Variants in HECTD4 observed in about 807,000 individuals in gnomAD.
HECTD4 encodes the protein HECT domain E3 ubiquitin protein ligase 4.
In HECTD4, 114 loss-of-function variants were observed where a neutral mutation model predicts 471.5. The ratio of observed to expected loss-of-function variants is 0.24; its 90% CI spans 0.21 to 0.28. The LOEUF is 0.28. Among genes scored for constraint, HECTD4 ranks in the 10% least tolerant of loss-of-function variants. The probability of loss-of-function intolerance (pLI) is 1.00; values close to 1 mark genes in which losing one functional copy is unlikely to be tolerated. For synonymous variants in HECTD4, 2,012 were observed against 2,256.0 expected (o/e 0.89, Z 3.07); for missense variants, 3,866 against 5,651.5 (o/e 0.68, Z 10.13).
At chr12:112,337,163 G>C (rs2035973521) in intron 1 of HECTD4, among the ~76,000 whole-genome samples, 1 of 152,144 alleles carries the variant, frequency 6.6e-6, no homozygotes, top group Non-Finnish European at 1.5e-5. Context: ...TTCCTCAGAA[G>C]TAAATATATT....
chr12:112,256,228 C>A, intron 21 of HECTD4, 92 bp downstream of exon 21: 3 of 954,758 alleles, frequency 3.1e-6, no homozygotes, highest in Non-Finnish European at 3.0e-6. Context: ...AGAAATCAGT[C>A]AAGAATGGTG....
intron 7 of HECTD4, among the ~76,000 whole-genome samples, chr12:112,286,595 G>A (rs1239594778): frequency 1.3e-5 from 2 of 152,124 alleles, no homozygotes; most frequent in Non-Finnish European, 2.9e-5. Context: ...GGGAGACTGA[G>A]GCGGGAGGAT....
chr12:112,253,672 G>A (rs1391785340), intron 22 of HECTD4, among the ~76,000 whole-genome samples: 1 of 152,220 alleles, frequency 6.6e-6, no homozygotes, highest in African/African-American at 2.4e-5. Flanking sequence ...AAATTCATCT[G>A]AACACATTAA....
At chr12:112,169,375 GGC>G in intron 70 of HECTD4, 126 bp downstream of exon 70, 1 of 1,091,516 alleles carries the variant, frequency 9.2e-7, no homozygotes, top group Non-Finnish European at 1.3e-6. Flanking sequence ...GTGCAGACCT[GGC>G]TTCTGCAGCA....
chr12:112,340,802 GATTCT>G (rs1447880184), intron 1 of HECTD4, among the ~76,000 whole-genome samples: 2 of 152,112 alleles, frequency 1.3e-5, no homozygotes, highest in East Asian at 3.8e-4. Flanking sequence ...GCATAGGAAC[GATTCT>G]ATTCATGTGC....
intron 1 of HECTD4, among the ~76,000 whole-genome samples, chr12:112,380,735 C>T (rs371567138): frequency 6.6e-6 from 1 of 152,044 alleles, no homozygotes; most frequent in African/African-American, 2.4e-5. Flanking sequence ...CTGAAGCAAC[C>T]GCAAATCCAG....
At chr12:112,172,933 A>G (rs2031288383) in intron 66 of HECTD4, 72 bp from the exon 67 acceptor site, 1 of 1,351,584 alleles carries the variant, frequency 7.4e-7, no homozygotes, top group Non-Finnish European at 1.1e-6. Context: ...CATTTCTCTT[A>G]CAGAGCCCTG....
At chr12:112,248,016 T>C in intron 27 of HECTD4, 51 bp downstream of exon 27, 1 of 1,267,210 alleles carries the variant, frequency 7.9e-7, no homozygotes, top group African/African-American at 1.5e-5. Context: ...AGTATATACC[T>C]TTGCTCTCTA....
chr12:112,283,358 A>G, intron 7 of HECTD4, 56 bp from the exon 8 acceptor site: 2 of 1,333,854 alleles, frequency 1.5e-6, no homozygotes, highest in Non-Finnish European at 2.1e-6. Flanking sequence ...TTAGTTAGCA[A>G]ATTTCTACTG....
In HECTD4 at chr12:112,184,192, C is replaced by T. The variant is rs949581532; in HGVS notation, c.10774G>A (p.Val3592Met). Reference protein sequence around the residue: ...AARPIKGFAVVEIRSRAKIEK... With the variant: ...AARPIKGFAVMEIRSRAKIEK... ...AGAGGCTTGAAAGCTGTTACCTCCACGACTGCGAAGCCTTTGATGGGGCGG... is the reference window on the plus strand; with the variant it reads ...AGAGGCTTGAAAGCTGTTACCTCCATGACTGCGAAGCCTTTGATGGGGCGG... The change falls in exon 61 of 76, where the codon GTG becomes ATG. Residue 3592 changes from valine (V) to methionine (M), a missense_variant. Val to Met is a conservative substitution (Grantham distance 21). Transcript: ENST00000682272. The surrounding 1 kb of genome is among the most constrained non-coding windows in gnomAD (Gnocchi z 9.1). 1.2e-6 allele frequency: 2 copies of T among 1,606,404 alleles called. No individual in the cohort carries two copies. The highest frequency in any genetic ancestry group is 1.1e-5 in the South Asian group (1 of 90,188).
chr12:112,172,648 G>A (rs1347519082), intron 67 of HECTD4, 23 bp downstream of exon 67: 5 of 1,609,196 alleles, frequency 3.1e-6, no homozygotes, highest in South Asian at 2.2e-5. Context: ...AGCAGGGGAG[G>A]GGATAGGCCC....
chr12:112,303,549 A>C (rs79275605), intron 7 of HECTD4, among the ~76,000 whole-genome samples: 1 of 152,218 alleles, frequency 6.6e-6, no homozygotes, highest in Non-Finnish European at 1.5e-5. Flanking sequence ...GCTAGGCGGA[A>C]TCAGAAAAGA....
chr12:112,237,025 T>A lies in HECTD4; in HGVS notation c.5364A>T (p.Arg1788=), dbSNP rs1373111323. 1 of 1,609,636 alleles carries A rather than the reference T, an allele frequency of 6.2e-7. No homozygotes were observed. Among genetic ancestry groups the A allele is most frequent in the African/African-American group, 1.3e-5 (1 of 74,808 alleles). Residue 1788 remains arginine (R), a synonymous_variant, in exon 35 of 76, where the codon CGA becomes CGT. Transcript: ENST00000682272. ...VSSLLTNHLA[R]ATECCGNQAA... ...CCTGGTTGCCACAGCACTCTGTGGC[T>A]CGGGCAAGATGGTTAGTGAGAAGGC...
intron 7 of HECTD4, among the ~76,000 whole-genome samples, chr12:112,290,498 C>T (rs1010668180): frequency 6.6e-6 from 1 of 151,714 alleles, no homozygotes; most frequent in Admixed American, 6.6e-5. Context: ...TCCACTCCAG[C>T]GTGGGCAAAA....
intron 67 of HECTD4, among the ~76,000 whole-genome samples, chr12:112,171,629 G>A (rs2031225903): frequency 6.6e-6 from 1 of 152,224 alleles, no homozygotes; most frequent in Non-Finnish European, 1.5e-5. Context: ...TTCTCCCAGT[G>A]TCCCCCAATG....
chr12:112,350,540 C>T (rs1245810042), intron 1 of HECTD4, among the ~76,000 whole-genome samples: 2 of 152,120 alleles, frequency 1.3e-5, no homozygotes, highest in Non-Finnish European at 2.9e-5. Flanking sequence ...ACTAACGCTA[C>T]ACATGAAGCC....
At chr12:112,258,635 T>C in intron 19 of HECTD4, 39 bp from the exon 20 acceptor site, 1 of 1,528,774 alleles carries the variant, frequency 6.5e-7, no homozygotes, top group Non-Finnish European at 8.9e-7. Flanking sequence ...CCAGGGCTAC[T>C]GTCAGTTATC....
chr12:112,220,299 T>C (rs1368091220), intron 44 of HECTD4, among the ~76,000 whole-genome samples: 1 of 152,024 alleles, frequency 6.6e-6, no homozygotes, highest in Non-Finnish European at 1.5e-5. Context: ...AACACAAAGA[T>C]ATATGAGCCA....
chr12:112,231,808 CCA>C, intron 38 of HECTD4, 93 bp from the exon 39 acceptor site: 1 of 1,035,810 alleles, frequency 9.7e-7, no homozygotes, highest in Non-Finnish European at 1.4e-6. Context: ...CCAAAGCAAT[CCA>C]CACTCATTTT....
Sources: allele counts gnomAD v4.1 joint callset (sites outside exome capture counted in the v4.1 genomes callset), GRCh38; gene constraint gnomAD v4.1.1; non-coding constraint Gnocchi (gnomAD v3.1); transcripts MANE v1.5; gene names NCBI Gene and HGNC (gene_info 2026-07-23, HGNC 2026-07-21).